The following SUGCT variants were observed in gnomAD, a reference collection of about 807,000 sequenced individuals.
The protein encoded by SUGCT is succinyl-CoA:glutarate CoA-transferase.
Under a neutral mutation model 55.0 loss-of-function variants are expected in SUGCT, and 41 were observed. The observed-to-expected ratio is 0.74, with a 90% confidence interval of 0.58 to 0.97. The LOEUF is 0.97. Ranked by LOEUF, SUGCT falls within the 50% of genes least tolerant of loss-of-function variation. The pLI, the probability that SUGCT is intolerant of heterozygous loss-of-function variation, is 0.00. For missense variants in SUGCT, 568 were observed against 547.8 expected, an observed-to-expected ratio of 1.04 and a Z score of -0.37; for synonymous variants, 187 against 200.4, an observed-to-expected ratio of 0.93 and a Z score of 0.56.
At chr7:40,298,584 A>G (rs755327389) in intron 8 of SUGCT, among the ~76,000 whole-genome samples, 2 of 152,192 alleles carry the variant, frequency 1.3e-5, no homozygotes, top group Non-Finnish European at 2.9e-5. Flanking sequence ...ACAGACCTAT[A>G]TATTAGAACA....
Position 40,623,950 on chromosome 7 carries a change from T to G in SUGCT, c.1090-125484T>G, listed in dbSNP as rs543693021. ...GGGTTTTGATATTTTAATCACTTTA[T>G]TTCTGTTAATGTTAATTAAGGGTTC... is the stretch of plus-strand genomic sequence containing the variant. On this transcript the variant is annotated intron_variant, in intron 12 of 13. Transcript: ENST00000335693. 4.6e-5 allele frequency among the ~76,000 whole-genome samples: 7 copies of G among 152,348 alleles called. 1 individual carries two copies. The South Asian group carries it at 1.5e-3, about 32-fold the overall frequency.
rs777227064 is a variant in SUGCT at position 40,675,062 on chromosome 7, CT to C, written c.1090-74356del. 3.9e-3 allele frequency among the ~76,000 whole-genome samples: 523 copies of C among 135,312 alleles called. 1 individual carries two copies. Among genetic ancestry groups the C allele is most frequent in the South Asian group, 0.01 (42 of 4,100 alleles). The allele number at this position is 135,312 out of a possible 152,430, so 88.8% of individuals were successfully genotyped here. ...AATATTATATATGTATTTCTAAAAT[CT>C]TTTTTTTTTTTTTTTGAGACAGAGT... On this transcript the variant is annotated intron_variant, in intron 12 of 13. Coordinates refer to ENST00000335693, the MANE Select transcript of SUGCT (RefSeq NM_001193313.2).
At chr7:40,759,991 G>A (rs1788454494) in intron 13 of SUGCT, among the ~76,000 whole-genome samples, 1 of 152,076 alleles carries the variant, frequency 6.6e-6, no homozygotes, top group South Asian at 2.1e-4. Flanking sequence ...TACATTTCCC[G>A]CTAGTTGTAC....
At chr7:40,722,290 A>G (rs1786381629) in intron 12 of SUGCT, among the ~76,000 whole-genome samples, 1 of 152,204 alleles carries the variant, frequency 6.6e-6, no homozygotes, top group South Asian at 2.1e-4. Flanking sequence ...AATTTAAAGA[A>G]ATCCTTGCTC....
intron 12 of SUGCT, among the ~76,000 whole-genome samples, chr7:40,724,708 T>C (rs1786525663): frequency 6.7e-6 from 1 of 149,740 alleles, no homozygotes; most frequent in Non-Finnish European, 1.5e-5. Flanking sequence ...ATACATAATA[T>C]ATATTTTAAA....
rs1261533729 is a variant in SUGCT at position 40,815,486 on chromosome 7, C to G, written c.1154-44830C>G. On this transcript the variant is annotated intron_variant, in intron 13 of 13. Coordinates refer to ENST00000335693, the MANE Select transcript of SUGCT (RefSeq NM_001193313.2). ...GGCTGGGGAAGTTTAGGCCACTGTT[C>G]CAGTTGGGTGGGTGATGTGAATGCC... 3.3e-5 allele frequency among the ~76,000 whole-genome samples: 5 copies of G among 151,932 alleles called. No homozygotes were observed. In the East Asian group the frequency reaches 5.8e-4, roughly 18 times the overall value.
the SUGCT span, among the ~76,000 whole-genome samples, chr7:40,892,237 G>A: frequency 1.6e-3 from 247 of 152,266 alleles, no homozygotes; most frequent in Non-Finnish European, 2.7e-3. Flanking sequence ...AAGTTAAAGT[G>A]TAGAGTTTTT....
chr7:40,991,749 C>T, the SUGCT span, among the ~76,000 whole-genome samples: 1 of 152,098 alleles, frequency 6.6e-6, no homozygotes, highest in South Asian at 2.1e-4. Context: ...TCACCTTCAG[C>T]CCCTGTGATT....
intron 13 of SUGCT, among the ~76,000 whole-genome samples, chr7:40,849,012 A>G (rs1053815279): frequency 7.2e-5 from 11 of 152,186 alleles, no homozygotes; most frequent in African/African-American, 2.7e-4. Context: ...ATAACTTAGT[A>G]CTGGAGCTAT....
chr7:40,473,564 T>A (rs1401670024), intron 11 of SUGCT, among the ~76,000 whole-genome samples: 1 of 152,140 alleles, frequency 6.6e-6, no homozygotes, highest in Non-Finnish European at 1.5e-5. Context: ...TTGATAGTAC[T>A]TTTGACCCCC....
At chr7:40,544,280 C>T (rs1365825186) in intron 12 of SUGCT, among the ~76,000 whole-genome samples, 1 of 151,944 alleles carries the variant, frequency 6.6e-6, no homozygotes, top group African/African-American at 2.4e-5. Flanking sequence ...AGGCTCTGGC[C>T]CCTGTGTCTC....
At chr7:40,604,998 T>C (rs1406785297) in intron 12 of SUGCT, among the ~76,000 whole-genome samples, 1 of 152,210 alleles carries the variant, frequency 6.6e-6, no homozygotes, top group Non-Finnish European at 1.5e-5. Flanking sequence ...TGGCCGGCGT[T>C]GCACGGTATT....
At chr7:40,507,343 T>G (rs1481160938) in intron 12 of SUGCT, among the ~76,000 whole-genome samples, 1 of 152,168 alleles carries the variant, frequency 6.6e-6, no homozygotes, top group East Asian at 1.9e-4. Context: ...GGTAGGAGAT[T>G]TTAATCTTGA....
At chr7:40,393,571 G>T (rs1483434578) in intron 9 of SUGCT, among the ~76,000 whole-genome samples, 4 of 152,136 alleles carry the variant, frequency 2.6e-5, no homozygotes, top group Non-Finnish European at 4.4e-5. Flanking sequence ...TTGGGGGGTT[G>T]AGATGGTAGA....
chr7:40,937,592 G>A, the SUGCT span, among the ~76,000 whole-genome samples: 4 of 152,060 alleles, frequency 2.6e-5, no homozygotes, highest in Admixed American at 1.3e-4. Context: ...CTGCATATGT[G>A]TTTATAATTG....
chr7:40,336,952 T>G (rs1459778999), intron 9 of SUGCT, among the ~76,000 whole-genome samples: 2 of 152,212 alleles, frequency 1.3e-5, no homozygotes, highest in Non-Finnish European at 2.9e-5. Context: ...TGTTGTGTCT[T>G]TGTTCTCATT....
At chr7:40,201,954 A>AT (rs1275432129) in intron 6 of SUGCT, among the ~76,000 whole-genome samples, 1 of 151,778 alleles carries the variant, frequency 6.6e-6, no homozygotes, top group East Asian at 1.9e-4. Context: ...AGTCCTATAG[A>AT]TTTTTTTTCT....
chr7:40,348,852 G>C (rs1391551440), intron 9 of SUGCT, among the ~76,000 whole-genome samples: 1 of 152,024 alleles, frequency 6.6e-6, no homozygotes, highest in Non-Finnish European at 1.5e-5. Flanking sequence ...TTCTCAGTTA[G>C]TGCTGTTGTT....
At chr7:40,428,108 C>A (rs1381749413) in intron 9 of SUGCT, among the ~76,000 whole-genome samples, 1 of 151,962 alleles carries the variant, frequency 6.6e-6, no homozygotes, top group Non-Finnish European at 1.5e-5. Context: ...ATAAATTGAC[C>A]CTTTTGTTCT....
Sources: gnomAD v4.1 joint callset for allele counts (sites outside exome capture counted in the v4.1 genomes callset) on GRCh38, gnomAD v4.1.1 for gene constraint, MANE v1.5 for transcripts, NCBI Gene and HGNC (gene_info 2026-07-23, HGNC 2026-07-21) for gene names.